Variants in DOHH observed in about 807,000 individuals in gnomAD.
The protein encoded by DOHH is deoxyhypusine hydroxylase.
A neutral mutation model predicts 19.9 loss-of-function variants in DOHH; 16 were observed. That is an observed-to-expected ratio of 0.80 (90% CI 0.54 to 1.22). The LOEUF (loss-of-function observed/expected upper bound fraction) is 1.22, where lower values mean the gene tolerates loss of function less well. Among genes scored for constraint, DOHH ranks in the 50% most tolerant of loss-of-function variants. The probability of loss-of-function intolerance (pLI) is 0.00; values close to 1 mark genes in which losing one functional copy is unlikely to be tolerated. For synonymous variants in DOHH, 233 were observed against 217.0 expected, an observed-to-expected ratio of 1.07 and a Z score of -0.65; for missense variants, 460 against 460.6, an observed-to-expected ratio of 1.00 and a Z score of 0.01.
Position 3,496,770 on chromosome 19 carries a change from C to A in DOHH, c.45G>T (p.Val15=), listed in dbSNP as rs1461827897. 1.9e-6 allele frequency: 3 copies of A among 1,605,852 alleles called. No homozygotes were observed. Among genetic ancestry groups the A allele is most frequent in the Non-Finnish European group, 2.5e-6 (3 of 1,177,306 alleles). The change falls in exon 2 of 5, where the codon GTG becomes GTT. Residue 15 remains valine, a synonymous_variant. Transcript: ENST00000427575. The surrounding 1 kb of genome is among the most constrained non-coding windows in gnomAD (Gnocchi z 4.8). Reference sequence around the variant, plus strand: ...GGGCCTGCAGGGGCTGCTTGGGGTCCACCAGCGTCTGCCCGATGGCATCCA... The same window carrying A: ...GGGCCTGCAGGGGCTGCTTGGGGTCAACCAGCGTCTGCCCGATGGCATCCA... ...QEVDAIGQTL[V]DPKQPLQARF... is the part of the protein sequence containing the mutation.
intron 3 of DOHH, 49 bp from the exon 4 acceptor site, chr19:3,492,548 G>T: frequency 7.6e-7 from 1 of 1,324,328 alleles, no homozygotes; most frequent in South Asian, 1.8e-5. Flanking sequence ...GGGGTCGCAG[G>T]GGCCCTTCCC....
In DOHH at chr19:3,491,455, C is replaced by G; in HGVS notation, c.*37G>C. On this transcript the variant is annotated 3_prime_UTR_variant, in exon 5 of 5. Coordinates refer to ENST00000427575, the MANE Select transcript of DOHH (RefSeq NM_001145165.2). The surrounding 1 kb of genome is among the most constrained non-coding windows in gnomAD (Gnocchi z 5.6). ...AGCTCTGCGGGGGAGGAGCGGCCCT[C>G]AAGAGTCCTCCGGGAGCTCCGGGTG... 3 of 1,518,312 alleles carry G rather than the reference C, an allele frequency of 2.0e-6. No homozygotes were observed. The East Asian group carries it at 7.4e-5, about 37-fold the overall frequency. The allele number at this position is 1,518,312 out of a possible 1,614,324, so 94.1% of individuals were successfully genotyped here.
intron 2 of DOHH, among the ~76,000 whole-genome samples, chr19:3,494,799 G>T (rs1055498524): frequency 6.6e-6 from 1 of 152,202 alleles, no homozygotes; most frequent in Non-Finnish European, 1.5e-5. Context: ...TGCCTGGCAG[G>T]CTCCCTCTGC....
chr19:3,495,903 T>G (rs1451055079), intron 2 of DOHH, among the ~76,000 whole-genome samples: 1 of 152,158 alleles, frequency 6.6e-6, no homozygotes, highest in Non-Finnish European at 1.5e-5. Context: ...AGTGAGACTC[T>G]GACTCAAAAC....
chr19:3,498,595 G>A (rs935742393), intron 1 of DOHH, among the ~76,000 whole-genome samples: 3 of 152,006 alleles, frequency 2.0e-5, no homozygotes, highest in African/African-American at 7.3e-5. Context: ...AGTAGAGACA[G>A]GGTTTCTCCA....
Position 3,491,728 on chromosome 19 carries a change from G to GCTGGGGCACC in DOHH, c.663_672dup (p.Leu225GlyfsTer50). On this transcript the variant is annotated frameshift_variant, in exon 5 of 5. Transcript: ENST00000427575. LOFTEE classifies it low-confidence loss of function (END_TRUNC). This position sits in a 1 kb window ranked among gnomAD's most constrained non-coding sequence, Gnocchi z 5.6. ...GTGCATCGGGCCAGGGCGGCCGCCA[G>GCTGGGGCACC]CTGGGGCACCGCCGCCTCGTGCTGC... 6.6e-7 allele frequency: 1 copy of GCTGGGGCACC among 1,506,576 alleles called. No homozygotes were observed. The highest frequency in any genetic ancestry group is 8.8e-7 in the Non-Finnish European group (1 of 1,131,784). The allele number at this position is 1,506,576 out of a possible 1,614,324, so 93.3% of individuals were successfully genotyped here.
At position 3,491,832 on chromosome 19, in the gene DOHH, C is replaced by T; in HGVS notation, c.590-21G>A. On this transcript the variant is annotated intron_variant, in intron 4 of 4. Transcript: ENST00000427575. This position sits in a 1 kb window ranked among gnomAD's most constrained non-coding sequence, Gnocchi z 5.6. ...CAGACCTGCAGGGGAGAGGGACACT[C>T]GCTGGGGCCAGGAGGGGTGGGAAGG... is the stretch of plus-strand genomic sequence containing the variant. 1.4e-6 allele frequency: 2 copies of T among 1,434,694 alleles called. No individual in the cohort carries two copies. Among genetic ancestry groups the T allele is most frequent in the South Asian group, 1.5e-5 (1 of 67,352 alleles). The allele number at this position is 1,434,694 out of a possible 1,614,324, so 88.9% of individuals were successfully genotyped here. A position where few individuals can be genotyped will look rare whatever the true frequency, so the allele number is the denominator to read the frequency against.
At position 3,496,592 on chromosome 19, in the gene DOHH, C is replaced by T. The variant is rs144951536; in HGVS notation, c.223G>A (p.Val75Met). 690 of 1,613,946 alleles carry T rather than the reference C, an allele frequency of 4.3e-4. 1 individual carries two copies. Among genetic ancestry groups the T allele is most frequent in the Admixed American group, 5.8e-4 (35 of 60,034 alleles). The change falls in exon 2 of 5, where the codon GTG becomes ATG. Residue 75 changes from valine to methionine, a missense_variant. Physicochemically the swap from Val to Met is conservative, Grantham distance 21 (BLOSUM62 1). Coordinates refer to ENST00000427575, the MANE Select transcript of DOHH (RefSeq NM_001145165.2). The surrounding 1 kb of genome is among the most constrained non-coding windows in gnomAD (Gnocchi z 4.8). ...MQDARAIPML[V>M]DVLQDTRQEP... ...TGACGGGTGTCTTGCAGCACGTCCA[C>T]CAGCATGGGGATGGCGCGGGCATCC...
chr19:3,494,233 G>A (rs1167667891), intron 2 of DOHH, 129 bp from the exon 3 acceptor site: 2 of 740,298 alleles, frequency 2.7e-6, no homozygotes, highest in Admixed American at 5.4e-5. Context: ...CTCTGTCCAC[G>A]GCTGATTGGA....
chr19:3,492,596 A>G, intron 3 of DOHH, 97 bp from the exon 4 acceptor site: 1 of 1,012,142 alleles, frequency 9.9e-7, no homozygotes, highest in East Asian at 3.3e-5. Context: ...GGAGAGAGAC[A>G]CTGGCAGGGT....
At chr19:3,498,271 A>T (rs568868060) in intron 1 of DOHH, among the ~76,000 whole-genome samples, 1 of 152,322 alleles carries the variant, frequency 6.6e-6, no homozygotes, top group East Asian at 1.9e-4. Context: ...CTGTTTCAGC[A>T]CTGACTGAGT....
chr19:3,491,862 C>T lies in DOHH; in HGVS notation c.590-51G>A. The T allele has an allele frequency of 7.1e-7, 1 of 1,401,060 alleles. No homozygotes were observed. The highest frequency in any genetic ancestry group is 1.6e-5 in the South Asian group (1 of 64,352). 86.8% of individuals were successfully genotyped at this position (1,401,060 alleles called of 1,614,324 possible). The stretch of plus-strand genomic sequence containing the variant: ...GGGCCAGGAGGGGTGGGAAGGGGAG[C>T]TCTGTCTTTTCGAAGACATGGGGTC... On this transcript the variant is annotated intron_variant, in intron 4 of 4. Transcript: ENST00000427575. This position sits in a 1 kb window ranked among gnomAD's most constrained non-coding sequence, Gnocchi z 5.6.
chr19:3,499,340 A>G (rs1164805114), intron 1 of DOHH, among the ~76,000 whole-genome samples: 3 of 152,196 alleles, frequency 2.0e-5, no homozygotes, highest in Non-Finnish European at 4.4e-5. Context: ...ATCATATTGG[A>G]AAGTATTGGT....
chr19:3,493,957 G>T (rs2082889195), intron 3 of DOHH, 71 bp downstream of exon 3: 1 of 1,459,178 alleles, frequency 6.9e-7, no homozygotes, highest in Non-Finnish European at 9.4e-7. Flanking sequence ...CCAGGTCAGG[G>T]CTGGGGCAGG....
At chr19:3,492,555 T>G in intron 3 of DOHH, 56 bp from the exon 4 acceptor site, 3 of 1,273,120 alleles carry the variant, frequency 2.4e-6, no homozygotes, top group Non-Finnish European at 2.0e-6. Flanking sequence ...CAGGGGCCCT[T>G]CCCCACCCCC....
chr19:3,500,154 T>A (rs73525958), intron 1 of DOHH, among the ~76,000 whole-genome samples: 12,313 of 152,230 alleles, frequency 0.081, 1,747 homozygotes, highest in African/African-American at 0.28. Flanking sequence ...CAAGACAGGC[T>A]GGCTATGGCA....
chr19:3,494,061 G>A lies in DOHH; in HGVS notation c.318C>T (p.Ile106=). The change falls in exon 3 of 5, where the codon ATC becomes ATT. Residue 106 remains isoleucine (I), a synonymous_variant. Coordinates refer to ENST00000427575, the MANE Select transcript of DOHH (RefSeq NM_001145165.2). The part of the protein sequence containing the change: ...GAIGDPEVLE[I]LKQYSSDPVI... ...CGGGGTCCGAGGAATACTGCTTCAG[G>A]ATCTCCAGAACTTCCGGGTCCCCGA... 6.2e-7 allele frequency: 1 copy of A among 1,613,832 alleles called. No individual in the cohort carries two copies. The highest frequency in any genetic ancestry group is 8.5e-7 in the Non-Finnish European group (1 of 1,179,826).
chr19:3,492,115 G>A, intron 4 of DOHH, 147 bp downstream of exon 4: 1 of 803,380 alleles, frequency 1.2e-6, no homozygotes, highest in East Asian at 3.2e-5. Context: ...GCTTGCACGG[G>A]TTCTTAAGAG....
At position 3,496,881 on chromosome 19, in the gene DOHH, A is replaced by G. The variant is rs1439947639; in HGVS notation, c.-67T>C. 1.4e-6 allele frequency: 2 copies of G among 1,401,170 alleles called. No homozygotes were observed. Among genetic ancestry groups the G allele is most frequent in the African/African-American group, 1.4e-5 (1 of 70,134 alleles). The allele number at this position is 1,401,170 out of a possible 1,614,324, so 86.8% of individuals were successfully genotyped here. ...GCTAAACCTGGGGACGCGGGGATGT[A>G]AGAACCTGTGGCAGAAAAATGAGAG... On this transcript the variant is annotated 5_prime_UTR_variant, in exon 2 of 5. Transcript: ENST00000427575. This position sits in a 1 kb window ranked among gnomAD's most constrained non-coding sequence, Gnocchi z 4.8.
Sources: gnomAD v4.1 joint callset for allele counts (sites outside exome capture counted in the v4.1 genomes callset) on GRCh38, gnomAD v4.1.1 for gene constraint, Gnocchi (gnomAD v3.1) non-coding constraint, MANE v1.5 for transcripts, NCBI Gene and HGNC (gene_info 2026-07-23, HGNC 2026-07-21) for gene names.